Variants in NAT1 observed in about 807,000 individuals in gnomAD.
NAT1 encodes arylamine N-acetyltransferase 1.
For synonymous variants in NAT1, 144 were observed against 122.6 expected (o/e 1.17, Z -1.16); for missense variants, 400 against 339.2 (o/e 1.18, Z -1.41).
intron 1 of NAT1, 75 bp from the exon 2 acceptor site, chr8:18,219,336 G>A (rs1005510257): frequency 3.2e-5 from 30 of 942,246 alleles, no homozygotes; most frequent in African/African-American, 1.7e-4. Flanking sequence ...CATAATTTAC[G>A]GTCTACAAAA....
At chr8:18,176,029 T>C (rs1802282727) in intron 2 of NAT1, among the ~76,000 whole-genome samples, 1 of 152,156 alleles carries the variant, frequency 6.6e-6, no homozygotes, top group Non-Finnish European at 1.5e-5. Flanking sequence ...CCTGTTCAGA[T>C]CCTTTGCCCA....
At chr8:18,192,667 A>AGGATGAGT (rs1298482797) in intron 2 of NAT1, among the ~76,000 whole-genome samples, 1 of 152,172 alleles carries the variant, frequency 6.6e-6, no homozygotes, top group African/African-American at 2.4e-5. Flanking sequence ...GCCATAAAAA[A>AGGATGAGT]GGATGAGTTC....
At chr8:18,216,822 G>A in intron 1 of NAT1, 2 of 1,058,626 alleles carry the variant, frequency 1.9e-6, no homozygotes, top group East Asian at 2.7e-5. Flanking sequence ...AATAGGATGT[G>A]GCACAAAAAT....
At chr8:18,213,052 G>C (rs1023305987) in intron 1 of NAT1, among the ~76,000 whole-genome samples, 1 of 147,850 alleles carries the variant, frequency 6.8e-6, no homozygotes, top group Non-Finnish European at 1.5e-5. Context: ...CTATAGGCAT[G>C]TGCCACCACA....
intron 2 of NAT1, among the ~76,000 whole-genome samples, chr8:18,201,549 G>GA (rs1803463757): frequency 6.6e-6 from 1 of 151,620 alleles, no homozygotes; most frequent in South Asian, 2.1e-4. Flanking sequence ...AAAAAAAAAA[G>GA]AAAAAAGAAA....
intron 2 of NAT1, among the ~76,000 whole-genome samples, chr8:18,196,711 G>A (rs1803249226): frequency 6.6e-6 from 1 of 152,204 alleles, no homozygotes; most frequent in African/African-American, 2.4e-5. Flanking sequence ...TAAATAACCA[G>A]CAGGGAGGGA....
Position 18,222,237 on chromosome 8 carries a change from C to A in NAT1, c.190C>A (p.Arg64=), listed in dbSNP as rs56379106. The A allele has an allele frequency of 1.2e-6, 2 of 1,613,924 alleles. No individual in the cohort carries two copies. The highest frequency in any genetic ancestry group is 1.3e-5 in the African/African-American group (1 of 74,884). Residue 64 remains arginine (R), a synonymous_variant, in exon 3 of 3, where the codon CGG becomes AGG. Coordinates refer to ENST00000307719, the MANE Select transcript of NAT1 (RefSeq NM_000662.8). ...AIFDQVVRRN[R]GGWCLQVNHL... is the part of the protein sequence containing the mutation. Reference sequence around the variant, plus strand: ...TTTTGATCAAGTTGTGAGAAGAAATCGGGGTGGATGGTGTCTCCAGGTCAA... The same window carrying A: ...TTTTGATCAAGTTGTGAGAAGAAATAGGGGTGGATGGTGTCTCCAGGTCAA...
chr8:18,195,807 C>T (rs138072969), intron 2 of NAT1, among the ~76,000 whole-genome samples: 203 of 152,094 alleles, frequency 1.3e-3, no homozygotes, highest in African/African-American at 4.6e-3. Context: ...CTTTCAAAGT[C>T]GTGTTCAGGA....
At chr8:18,210,877 T>A (rs1007845302) in intron 1 of NAT1, among the ~76,000 whole-genome samples, 1 of 152,152 alleles carries the variant, frequency 6.6e-6, no homozygotes, top group Non-Finnish European at 1.5e-5. Flanking sequence ...TGAGTTCAAG[T>A]GATTCTCCTG....
At chr8:18,180,412 G>A (rs543750622) in intron 2 of NAT1, among the ~76,000 whole-genome samples, 1 of 151,974 alleles carries the variant, frequency 6.6e-6, no homozygotes, top group African/African-American at 2.4e-5. Context: ...GATTTGGGAA[G>A]GAGAAACAAA....
rs1805511938 is a variant in NAT1, at chr8:18,223,012, T to A, written c.*92T>A. On this transcript the variant is annotated 3_prime_UTR_variant, in exon 3 of 3. Transcript: ENST00000307719. ...ATGTATCTTCTGTACCCTTACCTTA[T>A]TTTGAAGAAAATCCTAGACATCAAA... 9 of 1,028,258 alleles carry A rather than the reference T, an allele frequency of 8.8e-6. No homozygotes were observed. In the South Asian group the frequency reaches 3.6e-4, roughly 41 times the overall value. 63.7% of individuals were successfully genotyped at this position (1,028,258 alleles called of 1,614,324 possible).
intron 1 of NAT1, among the ~76,000 whole-genome samples, chr8:18,213,531 A>T (rs1296508107): frequency 6.6e-6 from 1 of 151,966 alleles, no homozygotes; most frequent in African/African-American, 2.4e-5. Flanking sequence ...CTAACCTCTA[A>T]CTAGGGACTT....
chr8:18,219,310 A>G, intron 1 of NAT1, 101 bp from the exon 2 acceptor site: 1 of 794,172 alleles, frequency 1.3e-6, no homozygotes, highest in Non-Finnish European at 2.0e-6. Flanking sequence ...CTGTTTTGTG[A>G]TTTTTAGGAA....
At chr8:18,171,583 C>A (rs981331353) in intron 2 of NAT1, among the ~76,000 whole-genome samples, 1 of 152,090 alleles carries the variant, frequency 6.6e-6, no homozygotes, top group Non-Finnish European at 1.5e-5. Context: ...TTGAAAACCT[C>A]TTACATTTAA....
chr8:18,191,980 T>G (rs573880861), intron 2 of NAT1, among the ~76,000 whole-genome samples: 2 of 152,032 alleles, frequency 1.3e-5, no homozygotes, highest in South Asian at 2.1e-4. Flanking sequence ...AAAGCCAAAA[T>G]TGACAAATGG....
chr8:18,175,421 G>T (rs908105156), intron 2 of NAT1, among the ~76,000 whole-genome samples: 1 of 151,768 alleles, frequency 6.6e-6, no homozygotes, highest in African/African-American at 2.4e-5. Flanking sequence ...TTGTTTCTAT[G>T]AGATCACATT....
intron 1 of NAT1, among the ~76,000 whole-genome samples, chr8:18,218,420 C>G (rs974874998): frequency 6.6e-6 from 1 of 152,050 alleles, no homozygotes; most frequent in Non-Finnish European, 1.5e-5. Flanking sequence ...GAGCTTGCGG[C>G]GGGGGAGCTG....
Position 18,219,491 on chromosome 8 carries a change from T to C in NAT1, c.-7+2T>C, listed in dbSNP as rs756322833. The C allele has an allele frequency of 1.3e-6, 2 of 1,533,158 alleles. No individual in the cohort carries two copies. The highest frequency in any genetic ancestry group is 1.2e-5 in the South Asian group (1 of 82,842). The allele number at this position is 1,533,158 out of a possible 1,614,324, so 95.0% of individuals were successfully genotyped here. On this transcript the variant is annotated splice_donor_variant, in intron 2 of 2. Transcript: ENST00000307719. LOFTEE classifies it low-confidence loss of function (5UTR_SPLICE). ...CCTACTTTCAACTTACTAAGAAAGG[T>C]ATTAAGCGCCTTTCTGAGAGCTCTC...
intron 2 of NAT1, among the ~76,000 whole-genome samples, chr8:18,199,182 C>T (rs767800465): frequency 1.2e-4 from 18 of 151,626 alleles, no homozygotes; most frequent in Non-Finnish European, 1.6e-4. Flanking sequence ...GGTGTGGTGG[C>T]GCACATCTAT....
Sources: gnomAD v4.1 joint callset for allele counts (sites outside exome capture counted in the v4.1 genomes callset) on GRCh38, gnomAD v4.1.1 for gene constraint, MANE v1.5 for transcripts, NCBI Gene and HGNC (gene_info 2026-07-23, HGNC 2026-07-21) for gene names.